The following TMEM129 variants were observed in gnomAD, a reference collection of about 807,000 sequenced individuals.
TMEM129 encodes the protein transmembrane protein 129, E3 ubiquitin ligase.
TMEM129 carries 35 observed loss-of-function variants against 34.1 expected under a neutral mutation model. That is an observed-to-expected ratio of 1.03 (90% CI 0.78 to 1.36). The LOEUF (loss-of-function observed/expected upper bound fraction) is 1.36, where lower values mean the gene tolerates loss of function less well. Ranked by LOEUF, TMEM129 falls within the 40% of genes most tolerant of loss-of-function variation. TMEM129 has a pLI of 0.00. For missense variants in TMEM129, 504 were observed against 512.6 expected, an observed-to-expected ratio of 0.98 and a Z score of 0.16; for synonymous variants, 239 against 217.3, an observed-to-expected ratio of 1.10 and a Z score of -0.88.
Position 1,720,730 on chromosome 4 carries a change from C to G in TMEM129, c.108G>C (p.Leu36=). 1 of 1,568,690 alleles carries G rather than the reference C, an allele frequency of 6.4e-7. No individual in the cohort carries two copies. The highest frequency in any genetic ancestry group is 1.2e-5 in the South Asian group (1 of 85,326). The change falls in exon 1 of 4, where the codon CTG becomes CTC. Residue 36 remains leucine, a synonymous_variant. Transcript: ENST00000382936. This position sits in a 1 kb window ranked among gnomAD's most constrained non-coding sequence, Gnocchi z 4.4. ...FHAAGLTVQN[L]LSGWLGSEDA... ...CCTCGCTGCCCAGCCAGCCCGACAG[C>G]AGGTTCTGCACCGTGAGCCCCGCCG...
At position 1,721,061 on chromosome 4, in the gene TMEM129, C is replaced by T. The variant is rs924426483; in HGVS notation, c.-224G>A. ...GGCACTCTAGGACATGGAGTCCCGC[C>T]GCCCGGCCGCCCGCGGGGCACTCTA... is the stretch of plus-strand genomic sequence containing the variant. On this transcript the variant is annotated 5_prime_UTR_variant, in exon 1 of 4. Transcript: ENST00000382936. 3.4e-6 allele frequency: 1 copy of T among 291,090 alleles called. No individual in the cohort carries two copies. The highest frequency in any genetic ancestry group is 2.2e-5 in the African/African-American group (1 of 44,678). 18.0% of individuals were successfully genotyped at this position (291,090 alleles called of 1,614,324 possible).
chr4:1,717,899 CT>C, intron 2 of TMEM129: 1 of 698,444 alleles, frequency 1.4e-6, no homozygotes. Flanking sequence ...GTCCTGAGTG[CT>C]CCCCAAGAAT....
intron 3 of TMEM129, 35 bp downstream of exon 3, chr4:1,717,481 C>T (rs1469557347): frequency 4.7e-6 from 7 of 1,499,776 alleles, no homozygotes; most frequent in Middle Eastern, 3.5e-4. Context: ...CGTGGGCACC[C>T]ACCCATCCAC....
In TMEM129 at chr4:1,718,502, C is replaced by T; in HGVS notation, c.330G>A (p.Leu110=). 1.3e-6 allele frequency: 2 copies of T among 1,538,984 alleles called. No homozygotes were observed. Among genetic ancestry groups the T allele is most frequent in the South Asian group, 1.2e-5 (1 of 83,178 alleles). Reference sequence around the variant, plus strand: ...ACCGGTCACGGGACCAGTAGTAGATCAGGATGCAGGCGATGGAGGGGAGGG... The same window carrying T: ...ACCGGTCACGGGACCAGTAGTAGATTAGGATGCAGGCGATGGAGGGGAGGG... ...AVTLPSIACI[L]IYYWSRDRWA... Residue 110 remains leucine (L), a synonymous_variant, in exon 2 of 4, where the codon CTG becomes CTA. Coordinates refer to ENST00000382936, the MANE Select transcript of TMEM129 (RefSeq NM_001127266.2).
Position 1,717,361 on chromosome 4 carries a change from T to C in TMEM129, c.908A>G (p.Glu303Gly). 1 of 1,532,976 alleles carries C rather than the reference T, an allele frequency of 6.5e-7. No homozygotes were observed. The highest frequency in any genetic ancestry group is 8.8e-7 in the Non-Finnish European group (1 of 1,132,978). 95.0% of individuals were successfully genotyped at this position (1,532,976 alleles called of 1,614,324 possible). ...ASVKLVKTCQ[E>G]AATGECQQCY... ...CTGCTGGCACTCGCCTGTGGCTGCCTCCTGGCAGGTCTTCACCAGCTTCAC... is the reference window on the plus strand; with the variant it reads ...CTGCTGGCACTCGCCTGTGGCTGCCCCCTGGCAGGTCTTCACCAGCTTCAC... Residue 303 changes from glutamate to glycine, a missense_variant, in exon 4 of 4, where the codon GAG becomes GGG. Transcript: ENST00000382936.
chr4:1,720,688 G>A lies in TMEM129; in HGVS notation c.150C>T (p.Pro50=). The change falls in exon 1 of 4, where the codon CCC becomes CCT. Residue 50 remains proline (P), a synonymous_variant. Transcript: ENST00000382936. This position sits in a 1 kb window ranked among gnomAD's most constrained non-coding sequence, Gnocchi z 4.4. The part of the protein sequence containing the change: ...WLGSEDAAFV[P]FHLRRTAATL... ...TGGCGGCCGTGCGGCGCAAGTGGAA[G>A]GGCACGAAGGCGGCGTCCTCGCTGC... 6.4e-7 allele frequency: 1 copy of A among 1,552,530 alleles called. No homozygotes were observed. The highest frequency in any genetic ancestry group is 8.7e-7 in the Non-Finnish European group (1 of 1,149,406).
chr4:1,716,165 C>G lies in TMEM129; in HGVS notation c.*1015G>C, dbSNP rs1716948683. On this transcript the variant is annotated 3_prime_UTR_variant, in exon 4 of 4. Transcript: ENST00000382936. Reference sequence around the variant, plus strand: ...GCGCTCTAGGAAGCCTCCCAAATCCCAAGTGTCAGGCCCCCGGAGTCCATC... The same window carrying G: ...GCGCTCTAGGAAGCCTCCCAAATCCGAAGTGTCAGGCCCCCGGAGTCCATC... The G allele has an allele frequency of 6.6e-6, 1 of 152,354 alleles. No individual in the cohort carries two copies. Among genetic ancestry groups the G allele is most frequent in the African/African-American group, 2.4e-5 (1 of 41,474 alleles). 9.4% of individuals were successfully genotyped at this position (152,354 alleles called of 1,614,324 possible).
chr4:1,717,004 T>C lies in TMEM129; in HGVS notation c.*176A>G, dbSNP rs953959959. 12 of 796,502 alleles carry C rather than the reference T, an allele frequency of 1.5e-5. No homozygotes were observed. The highest frequency in any genetic ancestry group is 5.3e-5 in the African/African-American group (3 of 56,514). The allele number at this position is 796,502 out of a possible 1,614,324, so 49.3% of individuals were successfully genotyped here. A position where few individuals can be genotyped will look rare whatever the true frequency, so the allele number is the denominator to read the frequency against. ...TGCCAAGCAGGGTGGGGTGTTTTCA[T>C]GAGGATTGCTTTTAACCAAAAGTCC... On this transcript the variant is annotated 3_prime_UTR_variant, in exon 4 of 4. Coordinates refer to ENST00000382936, the MANE Select transcript of TMEM129 (RefSeq NM_001127266.2).
intron 1 of TMEM129, chr4:1,718,937 G>A (rs1228073351): frequency 7.9e-7 from 1 of 1,258,996 alleles, no homozygotes; most frequent in Non-Finnish European, 1.0e-6. Flanking sequence ...GCTGACCCCT[G>A]GCCTGCCAGG....
In TMEM129 at chr4:1,718,516, T is replaced by C; in HGVS notation, c.316A>G (p.Ile106Val). 3 of 1,531,036 alleles carry C rather than the reference T, an allele frequency of 2.0e-6. No homozygotes were observed. The highest frequency in any genetic ancestry group is 2.6e-6 in the Non-Finnish European group (3 of 1,133,286). 94.8% of individuals were successfully genotyped at this position (1,531,036 alleles called of 1,614,324 possible). ...CAGTAGTAGATCAGGATGCAGGCGA[T>C]GGAGGGGAGGGTCACGGCCAGCAGC... is the stretch of plus-strand genomic sequence containing the variant. Reference protein sequence around the residue: ...FLLLAVTLPSIACILIYYWSR... With the variant: ...FLLLAVTLPSVACILIYYWSR... Residue 106 changes from isoleucine (I) to valine (V), a missense_variant, in exon 2 of 4, where the codon ATC becomes GTC. Physicochemically the swap from Ile to Val is conservative, Grantham distance 29. Transcript: ENST00000382936.
Position 1,717,241 on chromosome 4 carries a change from C to T in TMEM129, c.1028G>A (p.Arg343His), listed in dbSNP as rs1334649699. The change falls in exon 4 of 4, where the codon CGC becomes CAC. Residue 343 changes from arginine (R) to histidine (H), a missense_variant. By Grantham distance (29) the Arg-to-His change is conservative (BLOSUM62 0). Transcript: ENST00000382936. ...PLRPDTWLAS[R>H]VPCPTCRARF... is the part of the protein sequence containing the mutation. ...TGCGCGGCAGGTGGGGCAGGGCACG[C>T]GGCTGGCCAGCCAGGTGTCAGGGCG... is the stretch of plus-strand genomic sequence containing the variant. The T allele has an allele frequency of 1.6e-5, 24 of 1,512,348 alleles. No individual in the cohort carries two copies. The highest frequency in any genetic ancestry group is 1.2e-4 in the East Asian group (5 of 40,160). The allele number at this position is 1,512,348 out of a possible 1,614,324, so 93.7% of individuals were successfully genotyped here. A position where few individuals can be genotyped will look rare whatever the true frequency, so the allele number is the denominator to read the frequency against.
rs144128416 is a variant in TMEM129, at chr4:1,718,686, G to A, written c.206-60C>T. On this transcript the variant is annotated intron_variant, in intron 1 of 3. Coordinates refer to ENST00000382936, the MANE Select transcript of TMEM129 (RefSeq NM_001127266.2). ...AGTGGCAGGCCGCTGTCCACCCCCC[G>A]ACAGCCCTGGACCTGGCCCTCTGCC... The A allele has an allele frequency of 8.9e-4, 1,266 of 1,430,332 alleles. 9 individuals are homozygous for A. In the African/African-American group the frequency reaches 0.016, roughly 19 times the overall value. 88.6% of individuals were successfully genotyped at this position (1,430,332 alleles called of 1,614,324 possible).
rs556967532 is a variant in TMEM129 at position 1,717,348 on chromosome 4, G to A, written c.921C>T (p.Gly307=). 3.1e-5 allele frequency: 48 copies of A among 1,534,902 alleles called. 1 individual carries two copies. The highest frequency in any genetic ancestry group is 1.9e-4 in the South Asian group (16 of 83,676). ...GGCGGCAGTAACACTGCTGGCACTC[G>A]CCTGTGGCTGCCTCCTGGCAGGTCT... ...LVKTCQEAAT[G]ECQQCYCRPM... The change falls in exon 4 of 4, where the codon GGC becomes GGT. Residue 307 remains glycine (G), a synonymous_variant. Coordinates refer to ENST00000382936, the MANE Select transcript of TMEM129 (RefSeq NM_001127266.2).
In TMEM129 at chr4:1,720,491, C is replaced by T. The variant is rs1405317044; in HGVS notation, c.205+142G>A. The T allele has an allele frequency of 9.0e-7, 1 of 1,106,864 alleles. No homozygotes were observed. The highest frequency in any genetic ancestry group is 2.8e-5 in the East Asian group (1 of 36,054). The allele number at this position is 1,106,864 out of a possible 1,614,324, so 68.6% of individuals were successfully genotyped here. A position where few individuals can be genotyped will look rare whatever the true frequency, so the allele number is the denominator to read the frequency against. On this transcript the variant is annotated intron_variant, in intron 1 of 3. Coordinates refer to ENST00000382936, the MANE Select transcript of TMEM129 (RefSeq NM_001127266.2). This position sits in a 1 kb window ranked among gnomAD's most constrained non-coding sequence, Gnocchi z 4.4. ...AAGCGCGCTCAGCCCACGCCGCGGT[C>T]CCTCTGGATGAGGACCGGCGCCTCT...
rs780197033 is a variant in TMEM129 at position 1,718,274 on chromosome 4, G to A, written c.558C>T (p.Asp186=). The change falls in exon 2 of 4, where the codon GAC becomes GAT. Residue 186 remains aspartate, a synonymous_variant. Coordinates refer to ENST00000382936, the MANE Select transcript of TMEM129 (RefSeq NM_001127266.2). ...GAGACTCCGTCACAGTCAGGTGCACGTCCTGCTGCTGGGCCACGTGCACTC... is the reference window on the plus strand; with the variant it reads ...GAGACTCCGTCACAGTCAGGTGCACATCCTGCTGCTGGGCCACGTGCACTC... The part of the protein sequence containing the change: ...TYRVHVAQQQ[D]VHLTVTESRQ... 42 of 1,612,230 alleles carry A rather than the reference G, an allele frequency of 2.6e-5. No homozygotes were observed. In the South Asian group the frequency reaches 3.3e-4, roughly 13 times the overall value.
Position 1,718,531 on chromosome 4 carries a change from C to T in TMEM129, c.301G>A (p.Val101Met), listed in dbSNP as rs11945830. ...EAWRLFLLLAVTLPSIACILI... is the reference protein window; with the variant it reads ...EAWRLFLLLAMTLPSIACILI... ...ATGCAGGCGATGGAGGGGAGGGTCA[C>T]GGCCAGCAGCAGGAAGAGCCGCCAG... is the stretch of plus-strand genomic sequence containing the variant. Residue 101 changes from valine (V) to methionine (M), a missense_variant, in exon 2 of 4, where the codon GTG becomes ATG. Transcript: ENST00000382936. The T allele has an allele frequency of 1.3e-5, 20 of 1,518,454 alleles. No individual in the cohort carries two copies. The highest frequency in any genetic ancestry group is 1.1e-4 in the African/African-American group (8 of 72,612). The allele number at this position is 1,518,454 out of a possible 1,614,324, so 94.1% of individuals were successfully genotyped here.
Position 1,718,394 on chromosome 4 carries a change from G to A in TMEM129, c.438C>T (p.Asn146=). 6.2e-7 allele frequency: 1 copy of A among 1,608,900 alleles called. No homozygotes were observed. The highest frequency in any genetic ancestry group is 8.5e-7 in the Non-Finnish European group (1 of 1,177,784). ...ACTTGTCAATCCGCCGGAACTCAGT[G>A]TTGACAGAGGAGGCAACAGCCTGCC... is the stretch of plus-strand genomic sequence containing the variant. ...SGWQAVASSV[N]TEFRRIDKFA... Residue 146 remains asparagine (N), a synonymous_variant, in exon 2 of 4, where the codon AAC becomes AAT. Transcript: ENST00000382936.
rs912167470 is a variant in TMEM129 at position 1,717,524 on chromosome 4, T to G, written c.832A>C (p.Ser278Arg). ...VEVNPAYSVP[S>R]SQELEACIGC... The stretch of plus-strand genomic sequence containing the variant: ...TGGCCCAGGCCCCCCACCTGGCTGC[T>G]GGGCACTGAGTAGGCCGGGTTGACC... Residue 278 changes from serine to arginine, a missense_variant, in exon 3 of 4, where the codon AGC becomes CGC. Ser to Arg is a moderately radical substitution (Grantham distance 110). Coordinates refer to ENST00000382936, the MANE Select transcript of TMEM129 (RefSeq NM_001127266.2). 3.3e-6 allele frequency: 5 copies of G among 1,527,178 alleles called. No individual in the cohort carries two copies. The highest frequency in any genetic ancestry group is 4.4e-6 in the Non-Finnish European group (5 of 1,131,768). The allele number at this position is 1,527,178 out of a possible 1,614,324, so 94.6% of individuals were successfully genotyped here.
Position 1,717,668 on chromosome 4 carries a change from A to T in TMEM129, c.688T>A (p.Ser230Thr). 1 of 1,514,930 alleles carries T rather than the reference A, an allele frequency of 6.6e-7. No homozygotes were observed. The highest frequency in any genetic ancestry group is 8.9e-7 in the Non-Finnish European group (1 of 1,127,238). 93.8% of individuals were successfully genotyped at this position (1,514,930 alleles called of 1,614,324 possible). A position where few individuals can be genotyped will look rare whatever the true frequency, so the allele number is the denominator to read the frequency against. Residue 230 changes from serine (S) to threonine (T), a missense_variant, in exon 3 of 4, where the codon TCC becomes ACC. Transcript: ENST00000382936. Reference protein sequence around the residue: ...AVQAFDIWLNSTEYGELCEKL... With the variant: ...AVQAFDIWLNTTEYGELCEKL... Reference sequence around the variant, plus strand: ...TCGCAGAGCTCCCCGTACTCAGTGGAGTTCAGCCTGCAGGGAGGAGAGCTG... The same window carrying T: ...TCGCAGAGCTCCCCGTACTCAGTGGTGTTCAGCCTGCAGGGAGGAGAGCTG...
Sources: gnomAD v4.1 joint callset for allele counts on GRCh38, gnomAD v4.1.1 for gene constraint, Gnocchi (gnomAD v3.1) non-coding constraint, MANE v1.5 for transcripts, NCBI Gene and HGNC (gene_info 2026-07-23, HGNC 2026-07-21) for gene names.